CAB39L: variants seen among roughly 807,000 people sequenced by gnomAD.
CAB39L encodes the protein calcium binding protein 39 like, also known as calcium-binding protein 39-like.
CAB39L carries 23 observed loss-of-function variants against 39.1 expected under a neutral mutation model. The observed-to-expected ratio is 0.59, with a 90% CI of 0.42 to 0.83. CAB39L has a LOEUF of 0.83. Ranked by LOEUF, CAB39L falls within the 40% of genes least tolerant of loss-of-function variation. The pLI is 0.00. For missense variants in CAB39L, 366 were observed against 391.9 expected, an observed-to-expected ratio of 0.93 and a Z score of 0.56; for synonymous variants, 126 against 137.2, an observed-to-expected ratio of 0.92 and a Z score of 0.57.
intron 5 of CAB39L, among the ~76,000 whole-genome samples, chr13:49,366,232 A>G (rs1397033644): frequency 3.3e-5 from 5 of 152,146 alleles, no homozygotes; most frequent in African/African-American, 4.8e-5. Context: ...ACAATGAATA[A>G]GATCTAGTAA....
intron 5 of CAB39L, 46 bp downstream of exon 5, chr13:49,376,921 A>AG (rs10523262): frequency 2.6e-5 from 38 of 1,469,722 alleles, no homozygotes; most frequent in South Asian, 5.3e-5. Context: ...ATAGATAGAT[A>AG]TTAAAATTGA....
At chr13:49,440,071 G>A (rs1191450698) in intron 1 of CAB39L, among the ~76,000 whole-genome samples, 2 of 151,944 alleles carry the variant, frequency 1.3e-5, no homozygotes, top group Non-Finnish European at 1.5e-5. Context: ...CTGTGCAGAA[G>A]CTCTTTAGTT....
At chr13:49,367,931 A>G (rs1955812925) in intron 5 of CAB39L, among the ~76,000 whole-genome samples, 1 of 33,254 alleles carries the variant, frequency 3.0e-5, no homozygotes, top group South Asian at 8.8e-4. Context: ...ACCCTGTCTC[A>G]AAAAAAAAAA....
chr13:49,325,118 T>C (rs1440133999), intron 10 of CAB39L, among the ~76,000 whole-genome samples: 1 of 152,222 alleles, frequency 6.6e-6, no homozygotes, highest in African/African-American at 2.4e-5. Flanking sequence ...TTGCAAACCT[T>C]TCTATAAAGA....
At chr13:49,435,814 A>G (rs1267221374) in intron 1 of CAB39L, among the ~76,000 whole-genome samples, 1 of 152,000 alleles carries the variant, frequency 6.6e-6, no homozygotes, top group Non-Finnish European at 1.5e-5. Flanking sequence ...AACATCTTTT[A>G]TATGTCTGTC....
intron 3 of CAB39L, among the ~76,000 whole-genome samples, chr13:49,398,337 AAT>A (rs559465007): frequency 1.6e-3 from 237 of 152,242 alleles, no homozygotes; most frequent in Non-Finnish European, 2.9e-3. Context: ...TAGACATGCT[AAT>A]ATAGTTTTAA....
rs1956086242 is a variant in CAB39L, at chr13:49,377,023, A to G, written c.220T>C (p.Tyr74His). Reference protein sequence around the residue: ...EAVAQLAQELYSSGLLVTLIA... With the variant: ...EAVAQLAQELHSSGLLVTLIA... ...AGTGTCACTAGCAGGCCACTGCTGT[A>G]GAGTTCTTGTGCTAGCTGAGCCACT... The change falls in exon 5 of 11, where the codon TAC (tyrosine) becomes CAC (histidine). Residue 74 changes from tyrosine to histidine, a missense_variant. Coordinates refer to ENST00000409308, the MANE Select transcript of CAB39L (RefSeq NM_001079670.3). 6.2e-7 allele frequency: 1 copy of G among 1,613,890 alleles called. No individual in the cohort carries two copies. The highest frequency in any genetic ancestry group is 8.5e-7 in the Non-Finnish European group (1 of 1,179,786).
chr13:49,366,581 C>CGT (rs1241103139), intron 5 of CAB39L, among the ~76,000 whole-genome samples: 1 of 135,410 alleles, frequency 7.4e-6, no homozygotes, highest in Non-Finnish European at 1.5e-5. Flanking sequence ...GAGCTGACAT[C>CGT]GTGCCATTGC....
At position 49,433,338 on chromosome 13, in the gene CAB39L, T is replaced by G; in HGVS notation, c.-52A>C. ...CTTACCTTAGAAGTTGTATATCATTTGCAAATTTGTTTGAACCTTCTTAGC... is the reference window on the plus strand; with the variant it reads ...CTTACCTTAGAAGTTGTATATCATTGGCAAATTTGTTTGAACCTTCTTAGC... On this transcript the variant is annotated 5_prime_UTR_variant, in exon 3 of 11. Transcript: ENST00000409308. 1 of 453,368 alleles carries G rather than the reference T, an allele frequency of 2.2e-6. No individual in the cohort carries two copies. Among genetic ancestry groups the G allele is most frequent in the Non-Finnish European group, 4.4e-6 (1 of 226,126 alleles). 28.1% of individuals were successfully genotyped at this position (453,368 alleles called of 1,614,324 possible). A position where few individuals can be genotyped will look rare whatever the true frequency, so the allele number is the denominator to read the frequency against.
chr13:49,383,106 T>C (rs1594031214), intron 3 of CAB39L, among the ~76,000 whole-genome samples, 165 bp from the exon 4 acceptor site: 1 of 152,060 alleles, frequency 6.6e-6, no homozygotes, highest in South Asian at 2.1e-4. Context: ...TTTAAATACA[T>C]ATATTTTTAA....
At chr13:49,374,426 G>A (rs1231910269) in intron 5 of CAB39L, among the ~76,000 whole-genome samples, 1 of 152,126 alleles carries the variant, frequency 6.6e-6, no homozygotes, top group African/African-American at 2.4e-5. Context: ...CAAATGTTCA[G>A]AAAGATACTT....
intron 3 of CAB39L, among the ~76,000 whole-genome samples, chr13:49,398,721 A>T (rs182104763): frequency 7.9e-5 from 12 of 152,238 alleles, no homozygotes; most frequent in Admixed American, 7.9e-4. Flanking sequence ...ATATACTGGC[A>T]ATTCACAGAG....
intron 10 of CAB39L, among the ~76,000 whole-genome samples, chr13:49,331,646 C>G (rs1320307106): frequency 6.6e-6 from 1 of 151,962 alleles, no homozygotes; most frequent in Admixed American, 6.6e-5. Context: ...CATTCAAGGC[C>G]GACACTCAGG....
At chr13:49,351,668 A>C (rs559937979) in intron 6 of CAB39L, among the ~76,000 whole-genome samples, 1 of 152,336 alleles carries the variant, frequency 6.6e-6, no homozygotes, top group South Asian at 2.1e-4. Flanking sequence ...AAACAGCAGG[A>C]GACATATAAG....
At chr13:49,368,915 G>A (rs1009708936) in intron 5 of CAB39L, among the ~76,000 whole-genome samples, 6 of 151,830 alleles carry the variant, frequency 4.0e-5, no homozygotes, top group Admixed American at 2.6e-4. Flanking sequence ...AAAAGAAGGC[G>A]GAGACTAGAA....
chr13:49,360,475 G>A (rs970767569), intron 5 of CAB39L, among the ~76,000 whole-genome samples: 1 of 152,174 alleles, frequency 6.6e-6, no homozygotes, highest in Non-Finnish European at 1.5e-5. Flanking sequence ...ATGCAATCAT[G>A]GATAGGGCTT....
At chr13:49,431,295 TCATC>T (rs1957319199) in intron 3 of CAB39L, among the ~76,000 whole-genome samples, 1 of 152,250 alleles carries the variant, frequency 6.6e-6, no homozygotes, top group Non-Finnish European at 1.5e-5. Context: ...GTTCTGGGGT[TCATC>T]CACTTTGTTA....
chr13:49,382,932 A>G lies in CAB39L; in HGVS notation c.-22T>C. ...TCATGTGTAGAAATCTCTTCTTCCA[A>G]TATGGAATGCTAAAAACAAATAAGC... On this transcript the variant is annotated 5_prime_UTR_variant, in exon 4 of 11. Transcript: ENST00000409308. 7.2e-7 allele frequency: 1 copy of G among 1,389,620 alleles called. No individual in the cohort carries two copies. The highest frequency in any genetic ancestry group is 1.0e-6 in the Non-Finnish European group (1 of 987,386). The allele number at this position is 1,389,620 out of a possible 1,614,324, so 86.1% of individuals were successfully genotyped here.
At chr13:49,327,706 G>C (rs1464132180) in intron 10 of CAB39L, among the ~76,000 whole-genome samples, 6 of 152,152 alleles carry the variant, frequency 3.9e-5, no homozygotes, top group Non-Finnish European at 8.8e-5. Flanking sequence ...TAAATATTTG[G>C]TCATTCCACT....
Sources: allele counts gnomAD v4.1 joint callset (sites outside exome capture counted in the v4.1 genomes callset), GRCh38; gene constraint gnomAD v4.1.1; transcripts MANE v1.5; gene names NCBI Gene and HGNC (gene_info 2026-07-23, HGNC 2026-07-21).